Variants in NUP107 observed in about 807,000 individuals in gnomAD.
The protein encoded by NUP107 is nucleoporin 107.
In NUP107, 101 loss-of-function variants were observed where a neutral mutation model predicts 141.0. That is an observed-to-expected ratio of 0.72 (90% confidence interval 0.61 to 0.84). NUP107 has a LOEUF of 0.84. Ranked by LOEUF, NUP107 falls within the 40% of genes least tolerant of loss-of-function variation. The probability of loss-of-function intolerance (pLI) is 0.00; values close to 1 mark genes in which losing one functional copy is unlikely to be tolerated. For synonymous variants in NUP107, 319 were observed against 363.9 expected (o/e 0.88, Z 1.41); for missense variants, 941 against 1,102.7 (o/e 0.85, Z 2.08).
intron 15 of NUP107, 71 bp downstream of exon 15, chr12:68,721,248 A>G (rs1877336990): frequency 1.0e-6 from 1 of 962,564 alleles, no homozygotes; most frequent in Non-Finnish European, 1.6e-6. Flanking sequence ...TAACAATTGT[A>G]TATAACAAAT....
chr12:68,687,312 T>C (rs563312437), intron 1 of NUP107: 39 of 688,748 alleles, frequency 5.7e-5, no homozygotes, highest in Non-Finnish European at 7.7e-5. Context: ...TGCGATCTAT[T>C]CGGCGCTTTG....
intron 10 of NUP107, among the ~76,000 whole-genome samples, chr12:68,710,615 A>T (rs1456114177): frequency 6.8e-6 from 1 of 146,152 alleles, no homozygotes; most frequent in African/African-American, 2.5e-5. Flanking sequence ...AGTTCATGCC[A>T]TTGCACTCCA....
chr12:68,700,442 T>C (rs969341804), intron 6 of NUP107, among the ~76,000 whole-genome samples: 3 of 152,172 alleles, frequency 2.0e-5, no homozygotes, highest in African/African-American at 4.8e-5. Flanking sequence ...TGGGTAGATA[T>C]ACAGGGAGAA....
At chr12:68,691,430 G>A (rs17572655) in intron 4 of NUP107, among the ~76,000 whole-genome samples, 35,259 of 152,100 alleles carry the variant, frequency 0.23, 5,022 homozygotes, top group Non-Finnish European at 0.32. Flanking sequence ...GAGAAAATTG[G>A]AAAAAGTAGG....
chr12:68,704,329 T>C (rs1876475293), intron 8 of NUP107, among the ~76,000 whole-genome samples: 1 of 152,184 alleles, frequency 6.6e-6, no homozygotes, highest in Non-Finnish European at 1.5e-5. Flanking sequence ...GGATGAGACT[T>C]ATTTCCAAAA....
Position 68,741,866 on chromosome 12 carries a change from T to A in NUP107, c.2556T>A (p.Leu852=). 6.2e-7 allele frequency: 1 copy of A among 1,614,062 alleles called. No individual in the cohort carries two copies. Among genetic ancestry groups the A allele is most frequent in the Non-Finnish European group, 8.5e-7 (1 of 1,179,978 alleles). ...RTHQMVLLRK[L]CLPMLCFLLH... ...ATCAAATGGTCTTACTGAGAAAGCT[T>A]TGTCTGCCAATGTTGTGTTTTCTGC... Residue 852 remains leucine, a synonymous_variant, in exon 27 of 28, where the codon CTT becomes CTA. Coordinates refer to ENST00000229179, the MANE Select transcript of NUP107 (RefSeq NM_020401.4).
intron 10 of NUP107, 112 bp downstream of exon 10, chr12:68,710,205 C>T (rs1769785011): frequency 6.8e-6 from 4 of 585,726 alleles, no homozygotes; most frequent in Non-Finnish European, 1.2e-5. Context: ...GTTCACACTA[C>T]TTTGTTTGGT....
intron 20 of NUP107, among the ~76,000 whole-genome samples, chr12:68,728,428 T>G (rs1411251056): frequency 6.8e-6 from 1 of 147,188 alleles, no homozygotes; most frequent in Non-Finnish European, 1.5e-5. Context: ...TGTCTTTTTT[T>G]TTTTTTTTTT....
chr12:68,730,920 A>T (rs1382479809), intron 20 of NUP107, among the ~76,000 whole-genome samples, 190 bp from the exon 21 acceptor site: 1 of 152,210 alleles, frequency 6.6e-6, no homozygotes, highest in Non-Finnish European at 1.5e-5. Flanking sequence ...GTGAGCCATG[A>T]TCATGCCACT....
At chr12:68,703,565 C>A (rs559775388) in intron 8 of NUP107, among the ~76,000 whole-genome samples, 1 of 152,076 alleles carries the variant, frequency 6.6e-6, no homozygotes, top group African/African-American at 2.4e-5. Flanking sequence ...ATACTTCTGC[C>A]TCAGCCTCCC....
At chr12:68,722,612 T>C (rs1422473855) in intron 17 of NUP107, among the ~76,000 whole-genome samples, 1 of 152,222 alleles carries the variant, frequency 6.6e-6, no homozygotes, top group Non-Finnish European at 1.5e-5. Context: ...CATACTGATA[T>C]GTATCCTTCT....
chr12:68,725,701 T>C, intron 17 of NUP107, 26 bp from the exon 18 acceptor site: 5 of 1,176,320 alleles, frequency 4.3e-6, no homozygotes, highest in Non-Finnish European at 6.2e-6. Flanking sequence ...AGAAGATTTA[T>C]GGAAAATTAA....
intron 20 of NUP107, among the ~76,000 whole-genome samples, chr12:68,729,084 A>T (rs1325103187): frequency 6.6e-6 from 1 of 152,194 alleles, no homozygotes; most frequent in East Asian, 1.9e-4. Context: ...CTTACTTTTT[A>T]TTGCAGTATG....
chr12:68,711,493 T>G (rs1346716143), intron 10 of NUP107, among the ~76,000 whole-genome samples: 1 of 142,454 alleles, frequency 7.0e-6, no homozygotes, highest in African/African-American at 2.6e-5. Flanking sequence ...CCAAGATCGC[T>G]CCACTGCACT....
intron 3 of NUP107, 47 bp downstream of exon 3, chr12:68,689,666 A>T: frequency 9.0e-7 from 1 of 1,115,698 alleles, no homozygotes; most frequent in East Asian, 2.4e-5. Context: ...GGTAATTATA[A>T]TAGCAACTAA....
Position 68,743,547 on chromosome 12 carries a change from A to G in NUP107, c.*1085A>G, listed in dbSNP as rs563738746. 1.3e-5 allele frequency: 2 copies of G among 152,372 alleles called. No individual in the cohort carries two copies. The highest frequency in any genetic ancestry group is 4.8e-5 in the African/African-American group (2 of 41,596). 9.4% of individuals were successfully genotyped at this position (152,372 alleles called of 1,614,324 possible). A position where few individuals can be genotyped will look rare whatever the true frequency, so the allele number is the denominator to read the frequency against. The stretch of plus-strand genomic sequence containing the variant: ...AGTGACACAAGAAGGATGAGGCTCT[A>G]TAGATTAAGAAATCAGTATGAGCAA... On this transcript the variant is annotated 3_prime_UTR_variant, in exon 28 of 28. Coordinates refer to ENST00000229179, the MANE Select transcript of NUP107 (RefSeq NM_020401.4).
At chr12:68,714,174 G>A (rs748025487) in intron 11 of NUP107, 30 of 161,112 alleles carry the variant, frequency 1.9e-4, no homozygotes, top group Admixed American at 3.9e-4. Flanking sequence ...GGTTAGAACG[G>A]TTATTTGAAA....
At chr12:68,716,900 AT>A (rs1049459033) in intron 12 of NUP107, among the ~76,000 whole-genome samples, 3 of 151,496 alleles carry the variant, frequency 2.0e-5, no homozygotes, top group Non-Finnish European at 2.9e-5. Flanking sequence ...TTCTTATGTA[AT>A]TTCTTTTTTT....
chr12:68,735,125 A>G, intron 25 of NUP107, 106 bp from the exon 26 acceptor site: 1 of 812,324 alleles, frequency 1.2e-6, no homozygotes, highest in Non-Finnish European at 2.0e-6. Context: ...CTGAAACATC[A>G]ACTCTTTAGA....
Sources: allele counts gnomAD v4.1 joint callset (sites outside exome capture counted in the v4.1 genomes callset), GRCh38; gene constraint gnomAD v4.1.1; transcripts MANE v1.5; gene names NCBI Gene and HGNC (gene_info 2026-07-23, HGNC 2026-07-21).